NT5DC1: variants seen among roughly 807,000 people sequenced by gnomAD.
NT5DC1 encodes 5'-nucleotidase domain containing 1.
NT5DC1 carries 42 observed loss-of-function variants against 59.4 expected under a neutral mutation model. The ratio of observed to expected loss-of-function variants is 0.71; its 90% CI spans 0.55 to 0.92. The LOEUF (loss-of-function observed/expected upper bound fraction) is 0.92, where lower values mean the gene tolerates loss of function less well. NT5DC1 is among the 40% of genes least tolerant of loss of function. NT5DC1 has a pLI of 0.00. For missense variants in NT5DC1, 501 were observed against 537.1 expected (o/e 0.93, Z 0.66); for synonymous variants, 172 against 188.1 (o/e 0.91, Z 0.70).
intron 6 of NT5DC1, among the ~76,000 whole-genome samples, chr6:116,148,510 T>A (rs1485166185): frequency 1.3e-5 from 2 of 152,186 alleles, no homozygotes; most frequent in Non-Finnish European, 1.5e-5. Flanking sequence ...TGCAGTGCCT[T>A]AGGATCGTCA....
intron 6 of NT5DC1, among the ~76,000 whole-genome samples, chr6:116,203,304 A>G (rs1781383422): frequency 6.6e-6 from 1 of 151,890 alleles, no homozygotes; most frequent in African/African-American, 2.4e-5. Context: ...TTACTTTACT[A>G]TACATTGTTA....
At chr6:116,153,160 A>G (rs1780092066) in intron 6 of NT5DC1, among the ~76,000 whole-genome samples, 1 of 152,002 alleles carries the variant, frequency 6.6e-6, no homozygotes, top group Non-Finnish European at 1.5e-5. Context: ...CATACTACAA[A>G]TATACAACAT....
chr6:116,139,756 T>A (rs1168964016), intron 6 of NT5DC1, among the ~76,000 whole-genome samples: 1 of 152,090 alleles, frequency 6.6e-6, no homozygotes, highest in African/African-American at 2.4e-5. Flanking sequence ...AATTTGACAG[T>A]TTTTTGCTTA....
intron 6 of NT5DC1, chr6:116,121,216 T>C: frequency 2.5e-6 from 4 of 1,613,482 alleles, no homozygotes; most frequent in Non-Finnish European, 3.4e-6. Flanking sequence ...GCAAGCCTGG[T>C]TTCCCAAAGC....
chr6:116,182,222 A>AGAGAGAGAGTGTGT (rs148509481), intron 6 of NT5DC1, among the ~76,000 whole-genome samples: 4 of 124,606 alleles, frequency 3.2e-5, no homozygotes, highest in South Asian at 2.8e-4. Flanking sequence ...TTCCATGGAG[A>AGAGAGAGAGTGTGT]GTGTGTGTGT....
At chr6:116,212,085 T>C (rs1181841035) in intron 6 of NT5DC1, among the ~76,000 whole-genome samples, 1 of 152,138 alleles carries the variant, frequency 6.6e-6, no homozygotes, top group African/African-American at 2.4e-5. Context: ...AATTATTTCA[T>C]TATTCTAATA....
At position 116,236,970 on chromosome 6, in the gene NT5DC1, T is replaced by G; in HGVS notation, c.807T>G (p.Asn269Lys). 1 of 1,584,406 alleles carries G rather than the reference T, an allele frequency of 6.3e-7. No individual in the cohort carries two copies. The highest frequency in any genetic ancestry group is 1.7e-5 in the Admixed American group (1 of 59,920). ...ATTGTCAAACTGTATTTTCAGAGAA[T>G]GATGAGGAGCAGGAGGCACTGCCAT... The part of the protein sequence containing the change: ...PSQRPFRTLE[N>K]DEEQEALPSL... The change falls in exon 9 of 12, where the codon AAT becomes AAG. Residue 269 changes from asparagine (N) to lysine (K), a missense_variant. Transcript: ENST00000319550.
intron 8 of NT5DC1, among the ~76,000 whole-genome samples, chr6:116,232,245 T>C (rs561280253): frequency 6.6e-6 from 1 of 152,326 alleles, no homozygotes; most frequent in South Asian, 2.1e-4. Context: ...CATTCTGATA[T>C]ACTAGGGGTT....
chr6:116,170,950 T>C (rs1780590766), intron 6 of NT5DC1, among the ~76,000 whole-genome samples: 1 of 152,206 alleles, frequency 6.6e-6, no homozygotes. Context: ...AACCTCATTC[T>C]GTATTTGACC....
intron 6 of NT5DC1, among the ~76,000 whole-genome samples, chr6:116,167,559 T>C (rs1177010811): frequency 6.6e-6 from 1 of 152,194 alleles, no homozygotes; most frequent in Non-Finnish European, 1.5e-5. Flanking sequence ...TTGATACCAG[T>C]TATTTGTACT....
chr6:116,222,687 T>C (rs1406737822), intron 7 of NT5DC1, among the ~76,000 whole-genome samples: 1 of 152,224 alleles, frequency 6.6e-6, no homozygotes, highest in Non-Finnish European at 1.5e-5. Context: ...CCAGCCAATT[T>C]CAGGCCCCCA....
chr6:116,199,150 G>A (rs181510575), intron 6 of NT5DC1, among the ~76,000 whole-genome samples: 139 of 152,112 alleles, frequency 9.1e-4, no homozygotes, highest in South Asian at 1.7e-3. Flanking sequence ...GTCAAAAGCC[G>A]TAATGTATAA....
At chr6:116,116,408 C>A (rs1382668464) in intron 5 of NT5DC1, among the ~76,000 whole-genome samples, 9 of 152,150 alleles carry the variant, frequency 5.9e-5, no homozygotes, top group African/African-American at 1.9e-4. Context: ...CCTTAGGAGG[C>A]CAAAACAGGC....
rs1771874961 is a variant in NT5DC1, at chr6:116,247,655, A to T, written c.*3631A>T. 6.6e-6 allele frequency: 1 copy of T among 152,216 alleles called. No individual in the cohort carries two copies. The highest frequency in any genetic ancestry group is 1.5e-5 in the Non-Finnish European group (1 of 68,028). 9.4% of individuals were successfully genotyped at this position (152,216 alleles called of 1,614,324 possible). ...TACCTGTTCACAGACTCTTTTCAAA[A>T]AACAAGTTTATTTTACTTTTTTTGG... is the stretch of plus-strand genomic sequence containing the variant. On this transcript the variant is annotated 3_prime_UTR_variant, in exon 12 of 12. Coordinates refer to ENST00000319550, the MANE Select transcript of NT5DC1 (RefSeq NM_152729.3).
intron 6 of NT5DC1, among the ~76,000 whole-genome samples, chr6:116,164,727 T>C (rs751026273): frequency 1.7e-4 from 26 of 152,184 alleles, no homozygotes; most frequent in Non-Finnish European, 3.7e-4. Flanking sequence ...TGTTTCCTTT[T>C]AGCATTTTTG....
At chr6:116,135,623 A>G (rs1224353022) in intron 6 of NT5DC1, among the ~76,000 whole-genome samples, 1 of 151,214 alleles carries the variant, frequency 6.6e-6, no homozygotes, top group Non-Finnish European at 1.5e-5. Context: ...TTTAATATTT[A>G]CTCTAGACTC....
intron 8 of NT5DC1, among the ~76,000 whole-genome samples, chr6:116,229,792 C>T (rs1582884254): frequency 1.3e-5 from 2 of 151,102 alleles, no homozygotes; most frequent in Admixed American, 1.3e-4. Context: ...CTCTGTCTCT[C>T]CTCTCTCTCT....
chr6:116,136,627 TTGTGAAATCTCAGA>T (rs1779611399), intron 6 of NT5DC1, among the ~76,000 whole-genome samples: 1 of 152,178 alleles, frequency 6.6e-6, no homozygotes, highest in Non-Finnish European at 1.5e-5. Flanking sequence ...CAAATTTCAT[TTGTGAAATCTCAGA>T]TGTGACTTAC....
chr6:116,118,154 G>A (rs1779005298), intron 6 of NT5DC1: 1 of 576,136 alleles, frequency 1.7e-6, no homozygotes, highest in Non-Finnish European at 3.1e-6. Flanking sequence ...ATTCCAAGCT[G>A]TGCTGTTACA....
Sources: allele counts gnomAD v4.1 joint callset (sites outside exome capture counted in the v4.1 genomes callset), GRCh38; gene constraint gnomAD v4.1.1; transcripts MANE v1.5; gene names NCBI Gene and HGNC (gene_info 2026-07-23, HGNC 2026-07-21).